TAFA1: variants seen among roughly 807,000 people sequenced by gnomAD.
The protein encoded by TAFA1 is chemokine-like protein TAFA-1.
A neutral mutation model predicts 18.5 loss-of-function variants in TAFA1; 4 were observed. The observed-to-expected ratio is 0.22, with a 90% CI of 0.11 to 0.49. TAFA1 has a LOEUF of 0.49. Ranked by LOEUF, TAFA1 falls within the 20% of genes least tolerant of loss-of-function variation. The pLI is 0.98. For missense variants in TAFA1, 147 were observed against 169.0 expected (o/e 0.87, Z 0.72); for synonymous variants, 56 against 55.2 (o/e 1.01, Z -0.06).
Position 68,226,360 on chromosome 3 carries a change from A to G in TAFA1, c.119-190920A>G, listed in dbSNP as rs999447154. Reference sequence around the variant, plus strand: ...CATAGGTTTTCCACCACTGTGCTTCATGTTCAAATGAATGACTCTCATGTT... The same window carrying G: ...CATAGGTTTTCCACCACTGTGCTTCGTGTTCAAATGAATGACTCTCATGTT... On this transcript the variant is annotated intron_variant, in intron 2 of 4. Transcript: ENST00000478136. 2.0e-5 allele frequency among the ~76,000 whole-genome samples: 3 copies of G among 152,312 alleles called. No individual in the cohort carries two copies. The South Asian group carries it at 6.2e-4, about 32-fold the overall frequency.
chr3:68,130,057 G>A (rs759395244), intron 2 of TAFA1, among the ~76,000 whole-genome samples: 27 of 152,022 alleles, frequency 1.8e-4, no homozygotes, highest in Non-Finnish European at 2.5e-4. Flanking sequence ...AAGCCTTAAA[G>A]GTTTTTATTT....
At chr3:68,480,861 T>C (rs1388728757) in intron 3 of TAFA1, among the ~76,000 whole-genome samples, 2 of 152,112 alleles carry the variant, frequency 1.3e-5, no homozygotes, top group Non-Finnish European at 2.9e-5. Context: ...GAGAGATAAT[T>C]GAATTATAGG....
chr3:68,328,595 G>T (rs1220129039), intron 2 of TAFA1, among the ~76,000 whole-genome samples: 1 of 152,112 alleles, frequency 6.6e-6, no homozygotes, highest in Admixed American at 6.5e-5. Flanking sequence ...CCAGGGATTT[G>T]CATAAACTAG....
rs537196821 is a variant in TAFA1 at position 68,507,721 on chromosome 3, G to A, written c.260-31035G>A. On this transcript the variant is annotated intron_variant, in intron 3 of 4. Coordinates refer to ENST00000478136, the MANE Select transcript of TAFA1 (RefSeq NM_213609.4). ...AGCATATCTCACTGTATGATTTTAT[G>A]TACACCTCTTAACCAACCCAGACCC... 2.0e-5 allele frequency among the ~76,000 whole-genome samples: 3 copies of A among 152,110 alleles called. No individual in the cohort carries two copies. The South Asian group carries it at 6.2e-4, about 32-fold the overall frequency.
intron 3 of TAFA1, among the ~76,000 whole-genome samples, chr3:68,466,890 G>A (rs1487665009): frequency 3.3e-5 from 5 of 152,094 alleles, no homozygotes; most frequent in African/African-American, 4.8e-5. Flanking sequence ...GGGAGACATC[G>A]CATGTCGGCA....
chr3:68,225,590 T>A (rs2066789048), intron 2 of TAFA1, among the ~76,000 whole-genome samples: 2 of 152,152 alleles, frequency 1.3e-5, no homozygotes, highest in Non-Finnish European at 2.9e-5. Context: ...TCCTGAGCAC[T>A]TACTATGTGC....
intron 2 of TAFA1, chr3:68,144,900 G>A (rs2065718176): frequency 1.5e-6 from 1 of 673,044 alleles, no homozygotes; most frequent in East Asian, 2.7e-5. Context: ...CAAAAAATTG[G>A]AGATAATAAT....
At chr3:68,401,401 A>T (rs2070487212) in intron 2 of TAFA1, among the ~76,000 whole-genome samples, 1 of 152,134 alleles carries the variant, frequency 6.6e-6, no homozygotes. Flanking sequence ...ATCGCAGAAA[A>T]TCTCATTCAA....
intron 2 of TAFA1, among the ~76,000 whole-genome samples, chr3:68,283,300 T>C (rs1020125067): frequency 7.9e-5 from 12 of 152,236 alleles, no homozygotes; most frequent in Admixed American, 6.5e-4. Flanking sequence ...TTCAGTCTTA[T>C]AGTCTGACTT....
In TAFA1 at chr3:68,108,330, C is replaced by A. The variant is rs563720923; in HGVS notation, c.118+101586C>A. Among the ~76,000 whole-genome samples, 21 of 151,244 alleles carry A rather than the reference C, an allele frequency of 1.4e-4. No homozygotes were observed. In the South Asian group the frequency reaches 4.4e-3, roughly 32 times the overall value. Reference sequence around the variant, plus strand: ...TATTTTTCTAATGCATCAATGGTCCCAAGACAAAAAAAAGACAAAAATGTT... The same window carrying A: ...TATTTTTCTAATGCATCAATGGTCCAAAGACAAAAAAAAGACAAAAATGTT... On this transcript the variant is annotated intron_variant, in intron 2 of 4. Coordinates refer to ENST00000478136, the MANE Select transcript of TAFA1 (RefSeq NM_213609.4).
At chr3:68,118,148 C>T (rs2065345693) in intron 2 of TAFA1, among the ~76,000 whole-genome samples, 1 of 152,088 alleles carries the variant, frequency 6.6e-6, no homozygotes, top group Non-Finnish European at 1.5e-5. Flanking sequence ...ATACAACTCA[C>T]CATAATGTAG....
At chr3:68,293,272 G>C (rs2068145690) in intron 2 of TAFA1, among the ~76,000 whole-genome samples, 1 of 152,148 alleles carries the variant, frequency 6.6e-6, no homozygotes, top group South Asian at 2.1e-4. Context: ...TTCACCCATG[G>C]ACCTCAGATT....
intron 2 of TAFA1, among the ~76,000 whole-genome samples, chr3:68,102,948 C>G (rs2065164906): frequency 1.3e-5 from 2 of 152,072 alleles, no homozygotes; most frequent in African/African-American, 4.8e-5. Flanking sequence ...TACTGGAGAC[C>G]CTAGGATTCT....
At chr3:68,011,540 A>C (rs974362963) in intron 2 of TAFA1, among the ~76,000 whole-genome samples, 3 of 152,214 alleles carry the variant, frequency 2.0e-5, no homozygotes, top group African/African-American at 7.2e-5. Flanking sequence ...TTTTTACCTT[A>C]CTATTCAATA....
intron 2 of TAFA1, among the ~76,000 whole-genome samples, chr3:68,106,508 T>C (rs1217348023): frequency 6.6e-6 from 1 of 152,150 alleles, no homozygotes; most frequent in Non-Finnish European, 1.5e-5. Context: ...GAAGAAATTA[T>C]AGCTAATACA....
At chr3:68,414,365 C>A (rs189640100) in intron 2 of TAFA1, among the ~76,000 whole-genome samples, 2 of 152,034 alleles carry the variant, frequency 1.3e-5, no homozygotes, top group African/African-American at 2.4e-5. Flanking sequence ...GGAGGAGGGG[C>A]GGCTCGGATA....
intron 2 of TAFA1, among the ~76,000 whole-genome samples, chr3:68,405,733 A>C (rs201735129): frequency 0.048 from 6,730 of 139,298 alleles, 673 homozygotes; most frequent in African/African-American, 0.15. Flanking sequence ...AAAAAAAAAA[A>C]AAAAAAAGAC....
intron 2 of TAFA1, among the ~76,000 whole-genome samples, chr3:68,254,944 T>C (rs6549095): frequency 0.4 from 61,031 of 151,964 alleles, 13,285 homozygotes; most frequent in Admixed American, 0.55. Flanking sequence ...AAAAACTAGC[T>C]TTGGAAGTAG....
chr3:68,382,958 G>A (rs573074008), intron 2 of TAFA1, among the ~76,000 whole-genome samples: 2 of 152,064 alleles, frequency 1.3e-5, no homozygotes, highest in South Asian at 2.1e-4. Context: ...ATTTTATGTT[G>A]TGGCTGTTGT....
Sources: gnomAD v4.1 joint callset for allele counts (sites outside exome capture counted in the v4.1 genomes callset) on GRCh38, gnomAD v4.1.1 for gene constraint, MANE v1.5 for transcripts, NCBI Gene and HGNC (gene_info 2026-07-23, HGNC 2026-07-21) for gene names.